Variants in CNKSR2 observed in about 807,000 individuals in gnomAD.
CNKSR2 encodes the protein connector enhancer of kinase suppressor of Ras 2, also known as CNK homolog protein 2.
CNKSR2 carries 14 observed loss-of-function variants against 84.4 expected under a neutral mutation model. The observed-to-expected ratio is 0.17, with a 90% CI of 0.11 to 0.26. CNKSR2 has a LOEUF of 0.26. Ranked by LOEUF, CNKSR2 falls within the 10% of genes least tolerant of loss-of-function variation. The pLI, the probability that CNKSR2 is intolerant of heterozygous loss-of-function variation, is 1.00. For missense variants in CNKSR2, 485 were observed against 771.2 expected (o/e 0.63, Z 4.40); for synonymous variants, 275 against 277.9 (o/e 0.99, Z 0.10).
chrX:21,444,618 G>A (rs1390110811), intron 4 of CNKSR2, among the ~76,000 whole-genome samples: 2 of 110,491 alleles, frequency 1.8e-5, no homozygotes, highest in African/African-American at 3.3e-5. Context: ...ATGGCCACTC[G>A]AGTTATTTTG....
intron 8 of CNKSR2, among the ~76,000 whole-genome samples, chrX:21,515,422 G>T (rs1416251404): frequency 1.8e-5 from 2 of 111,033 alleles, no homozygotes; most frequent in African/African-American, 6.5e-5. Context: ...TCACTGTTGA[G>T]ACCATTTGCT....
intron 13 of CNKSR2, among the ~76,000 whole-genome samples, chrX:21,565,248 A>G (rs895859251): frequency 8.9e-6 from 1 of 111,813 alleles, no homozygotes; most frequent in African/African-American, 3.2e-5. Flanking sequence ...CCATTCTGTC[A>G]TGCATATCCT....
chrX:21,574,553 T>C (rs933301004), intron 13 of CNKSR2, among the ~76,000 whole-genome samples: 19 of 111,488 alleles, frequency 1.7e-4, no homozygotes, highest in Non-Finnish European at 3.2e-4. Flanking sequence ...GAAAGCCCCT[T>C]AGAAAACCAT....
At chrX:21,578,576 T>G (rs2092334647) in intron 13 of CNKSR2, among the ~76,000 whole-genome samples, 1 of 100,171 alleles carries the variant, frequency 1.0e-5, no homozygotes, top group Non-Finnish European at 2.0e-5. Flanking sequence ...CAGAATTAAA[T>G]CACACGTTGT....
chrX:21,519,944 TAAGA>T (rs1025774233), intron 9 of CNKSR2, among the ~76,000 whole-genome samples: 3 of 111,409 alleles, frequency 2.7e-5, no homozygotes, highest in African/African-American at 9.7e-5. Context: ...TTATCTATCC[TAAGA>T]TAGAAGATTG....
chrX:21,421,388 G>A (rs2090494647), intron 1 of CNKSR2, among the ~76,000 whole-genome samples: 1 of 108,447 alleles, frequency 9.2e-6, no homozygotes, highest in Non-Finnish European at 1.9e-5. Context: ...TTCCTATGAG[G>A]GTGCTTTTTT....
chrX:21,400,589 G>A (rs1245296977), intron 1 of CNKSR2, among the ~76,000 whole-genome samples: 1 of 111,282 alleles, frequency 9.0e-6, no homozygotes, highest in Admixed American at 9.6e-5. Context: ...TTAAACTTTT[G>A]TGTCATATGT....
At chrX:21,636,441 T>G (rs2092672757) in intron 20 of CNKSR2, among the ~76,000 whole-genome samples, 1 of 111,450 alleles carries the variant, frequency 9.0e-6, no homozygotes, top group South Asian at 3.8e-4. Flanking sequence ...GAGATTATTT[T>G]AAATTAAGTC....
intron 1 of CNKSR2, among the ~76,000 whole-genome samples, chrX:21,389,943 G>A (rs2090025708): frequency 8.9e-6 from 1 of 111,938 alleles, no homozygotes; most frequent in African/African-American, 3.2e-5. Flanking sequence ...TTGCTAATCA[G>A]GAAATATGTT....
intron 17 of CNKSR2, among the ~76,000 whole-genome samples, chrX:21,599,861 G>T (rs2092471650): frequency 9.0e-6 from 1 of 110,974 alleles, no homozygotes; most frequent in South Asian, 3.8e-4. Context: ...TTTTAACTTT[G>T]AACTTTTACT....
At chrX:21,376,455 G>A (rs1246211139) in intron 1 of CNKSR2, among the ~76,000 whole-genome samples, 1 of 111,853 alleles carries the variant, frequency 8.9e-6, no homozygotes, top group Admixed American at 9.4e-5. Flanking sequence ...CTGCACCCCT[G>A]TGTGCAGTGC....
At chrX:21,454,220 G>A (rs1268677065) in intron 4 of CNKSR2, among the ~76,000 whole-genome samples, 3 of 111,645 alleles carry the variant, frequency 2.7e-5, no homozygotes, top group African/African-American at 9.8e-5. Context: ...TAGGTTATAT[G>A]ACTGTTGCCC....
intron 20 of CNKSR2, among the ~76,000 whole-genome samples, chrX:21,625,996 CA>C (rs759761680): frequency 9.0e-6 from 1 of 111,448 alleles, no homozygotes; most frequent in African/African-American, 3.3e-5. Flanking sequence ...CTGGAAGAAA[CA>C]AAGATTTTAA....
At chrX:21,595,303 G>A (rs771542717) in intron 16 of CNKSR2, 21 bp from the exon 17 acceptor site, 4 of 1,127,168 alleles carry the variant, frequency 3.5e-6, no homozygotes, top group Non-Finnish European at 4.8e-6. Flanking sequence ...TGTAATAAAT[G>A]TACTTTGTTT....
At position 21,587,877 on chromosome X, in the gene CNKSR2, A is replaced by G. The variant is rs147890957; in HGVS notation, c.1609-2695A>G. ...TTGCTAGAAGAACTCATAGGACTCAACATATAGTTGAACTCACAGCTAGGA... is the reference window on the plus strand; with the variant it reads ...TTGCTAGAAGAACTCATAGGACTCAGCATATAGTTGAACTCACAGCTAGGA... On this transcript the variant is annotated intron_variant, in intron 13 of 21. Coordinates refer to ENST00000379510, the MANE Select transcript of CNKSR2 (RefSeq NM_014927.5). 3.0e-3 allele frequency among the ~76,000 whole-genome samples: 339 copies of G among 111,983 alleles called. 3 individuals are homozygous for G. Among genetic ancestry groups the G allele is most frequent in the Admixed American group, 0.026 (276 of 10,551 alleles).
intron 10 of CNKSR2, 65 bp from the exon 11 acceptor site, chrX:21,531,791 A>G (rs1601910322): frequency 1.4e-6 from 1 of 713,852 alleles, no homozygotes; most frequent in East Asian, 3.3e-5. Context: ...AGTATTTTAG[A>G]CCCTCGGCCA....
intron 8 of CNKSR2, among the ~76,000 whole-genome samples, chrX:21,515,677 C>T (rs1241042884): frequency 9.0e-6 from 1 of 111,452 alleles, no homozygotes; most frequent in Non-Finnish European, 1.9e-5. Flanking sequence ...AAAAATTATT[C>T]TATGTTCAGA....
chrX:21,572,455 G>A (rs1457771245), intron 13 of CNKSR2, among the ~76,000 whole-genome samples: 1 of 111,967 alleles, frequency 8.9e-6, no homozygotes, highest in East Asian at 2.8e-4. Flanking sequence ...CTGTGTTTTA[G>A]TTCATTCTTA....
At chrX:21,495,540 G>T (rs540223041) in intron 6 of CNKSR2, 2 of 108,651 alleles carry the variant, frequency 1.8e-5, no homozygotes, top group South Asian at 8.1e-4. Flanking sequence ...TCCCAGCAGC[G>T]TGAGAGGCCA....
Sources: gnomAD v4.1 joint callset for allele counts (sites outside exome capture counted in the v4.1 genomes callset) on GRCh38, gnomAD v4.1.1 for gene constraint, MANE v1.5 for transcripts, NCBI Gene and HGNC (gene_info 2026-07-23, HGNC 2026-07-21) for gene names.